HTR1F: variants seen among roughly 807,000 people sequenced by gnomAD.
HTR1F encodes the protein 5-hydroxytryptamine receptor 1F.
In HTR1F, 17 loss-of-function variants were observed where a neutral mutation model predicts 24.0. That is an observed-to-expected ratio of 0.71 (90% CI 0.48 to 1.06). The LOEUF is 1.06. Ranked by LOEUF, HTR1F falls within the 50% of genes least tolerant of loss-of-function variation. HTR1F has a pLI of 0.00. For missense variants in HTR1F, 391 were observed against 427.8 expected (o/e 0.91, Z 0.76); for synonymous variants, 186 against 156.8 (o/e 1.19, Z -1.39).
chr3:87,865,185 C>T (rs543169652), intron 2 of HTR1F, among the ~76,000 whole-genome samples: 24 of 152,174 alleles, frequency 1.6e-4, no homozygotes, highest in African/African-American at 4.8e-4. Context: ...ACGTCAAATT[C>T]CAATAGAACA....
intron 2 of HTR1F, among the ~76,000 whole-genome samples, chr3:87,893,443 C>A (rs1706127140): frequency 6.6e-6 from 1 of 152,122 alleles, no homozygotes; most frequent in African/African-American, 2.4e-5. Context: ...CCTAATACAT[C>A]CTTAGATTCC....
chr3:87,921,215 A>G (rs1704006360), intron 2 of HTR1F, among the ~76,000 whole-genome samples: 2 of 152,038 alleles, frequency 1.3e-5, no homozygotes, highest in South Asian at 4.1e-4. Flanking sequence ...TTAACAGCCT[A>G]TATCATAATT....
chr3:87,923,480 A>G (rs1310427614), intron 2 of HTR1F, among the ~76,000 whole-genome samples: 3 of 151,638 alleles, frequency 2.0e-5, no homozygotes, highest in Non-Finnish European at 4.4e-5. Flanking sequence ...ATTCATTGCT[A>G]GATATTTTTG....
chr3:87,793,988 G>A (rs1041715913), intron 1 of HTR1F, among the ~76,000 whole-genome samples: 2 of 149,930 alleles, frequency 1.3e-5, no homozygotes, highest in South Asian at 4.2e-4. Context: ...AAAAAAGAGA[G>A]AGAGAAAACA....
At chr3:87,975,355 A>G (rs924433190) in intron 2 of HTR1F, among the ~76,000 whole-genome samples, 7 of 152,132 alleles carry the variant, frequency 4.6e-5, no homozygotes, top group Admixed American at 1.3e-4. Flanking sequence ...TTCTAAAAAA[A>G]TCTTGGAGAA....
chr3:87,889,142 C>G (rs941098226), intron 2 of HTR1F, among the ~76,000 whole-genome samples: 4 of 152,082 alleles, frequency 2.6e-5, no homozygotes, highest in African/African-American at 9.7e-5. Flanking sequence ...CTCTGCACAC[C>G]CCAGCTCCCT....
chr3:87,937,649 C>T (rs549033735), intron 2 of HTR1F, among the ~76,000 whole-genome samples: 12 of 151,958 alleles, frequency 7.9e-5, no homozygotes, highest in East Asian at 1.9e-4. Flanking sequence ...TAGGGCCAGG[C>T]GCAGTGGCTC....
In HTR1F at chr3:87,991,250, C is replaced by T; in HGVS notation, c.501C>T (p.Ser167=). 6.2e-7 allele frequency: 1 copy of T among 1,614,036 alleles called. No homozygotes were observed. The highest frequency in any genetic ancestry group is 8.5e-7 in the Non-Finnish European group (1 of 1,179,960). Residue 167 remains serine, a synonymous_variant, in exon 3 of 3, where the codon AGC becomes AGT. Coordinates refer to ENST00000319595, the MANE Select transcript of HTR1F (RefSeq NM_001322209.2). Reference sequence around the variant, plus strand: ...TATTCTGGAGGCACCAAGGAACTAGCAGAGATGATGAATGCATCATCAAGC... The same window carrying T: ...TATTCTGGAGGCACCAAGGAACTAGTAGAGATGATGAATGCATCATCAAGC... ...PPLFWRHQGT[S]RDDECIIKHD...
At chr3:87,978,074 C>T (rs936591054) in intron 2 of HTR1F, among the ~76,000 whole-genome samples, 1 of 152,158 alleles carries the variant, frequency 6.6e-6, no homozygotes, top group African/African-American at 2.4e-5. Context: ...TGCAGAGGGG[C>T]GGGCAGCTCC....
chr3:87,924,381 TA>T (rs1285369912), intron 2 of HTR1F, among the ~76,000 whole-genome samples: 2 of 152,130 alleles, frequency 1.3e-5, no homozygotes, highest in African/African-American at 4.8e-5. Context: ...CTTTTTTTCT[TA>T]TTGCTTATCT....
intron 2 of HTR1F, among the ~76,000 whole-genome samples, chr3:87,876,309 G>T (rs930702129): frequency 6.6e-6 from 1 of 152,154 alleles, no homozygotes; most frequent in Admixed American, 6.5e-5. Flanking sequence ...CCACACCTAT[G>T]ATCATTGCAG....
rs1454625659 is a variant in HTR1F at position 87,835,612 on chromosome 3, A to G, written c.-43+13488A>G. On this transcript the variant is annotated intron_variant, in intron 2 of 2. Transcript: ENST00000319595. ...CAGTTAGCAATGTTCTTGGCTGATT[A>G]TTTTTCAATTTCCTGTACTTCCTTC... Among the ~76,000 whole-genome samples, 3 of 152,170 alleles carry G rather than the reference A, an allele frequency of 2.0e-5. No homozygotes were observed. In the East Asian group the frequency reaches 5.8e-4, roughly 29 times the overall value.
chr3:87,817,191 A>G (rs1192970761), intron 1 of HTR1F, among the ~76,000 whole-genome samples: 1 of 152,144 alleles, frequency 6.6e-6, no homozygotes. Flanking sequence ...AAAAGTATCA[A>G]CTTTGCTGAT....
chr3:87,825,626 T>G (rs1224880960), intron 2 of HTR1F, among the ~76,000 whole-genome samples: 3 of 152,188 alleles, frequency 2.0e-5, no homozygotes, highest in African/African-American at 7.2e-5. Flanking sequence ...GCTGTTTTCA[T>G]TAGTACCATG....
At chr3:87,819,096 TATCTC>T (rs1433528281) in intron 1 of HTR1F, among the ~76,000 whole-genome samples, 3 of 152,230 alleles carry the variant, frequency 2.0e-5, no homozygotes, top group African/African-American at 4.8e-5. Context: ...TTCAGTGACT[TATCTC>T]ATGTGCACAC....
chr3:87,864,286 A>G (rs1477055498), intron 2 of HTR1F, among the ~76,000 whole-genome samples: 1 of 152,144 alleles, frequency 6.6e-6, no homozygotes, highest in Non-Finnish European at 1.5e-5. Context: ...TAGCCAGTTT[A>G]AAGTTCAAAC....
At chr3:87,838,317 C>T (rs915248751) in intron 2 of HTR1F, among the ~76,000 whole-genome samples, 2 of 151,966 alleles carry the variant, frequency 1.3e-5, no homozygotes, top group African/African-American at 4.8e-5. Flanking sequence ...TTCTTGTTGT[C>T]CTGTATTCCA....
intron 2 of HTR1F, among the ~76,000 whole-genome samples, chr3:87,984,561 C>T (rs1705621894): frequency 6.6e-6 from 1 of 152,174 alleles, no homozygotes; most frequent in South Asian, 2.1e-4. Flanking sequence ...CTCCCAGGTA[C>T]AAGTGATTCT....
chr3:87,856,414 A>G (rs1705200687), intron 2 of HTR1F, among the ~76,000 whole-genome samples: 1 of 152,046 alleles, frequency 6.6e-6, no homozygotes, highest in Non-Finnish European at 1.5e-5. Flanking sequence ...ACTCAATTTT[A>G]CAGTGAACCC....
Sources: allele counts gnomAD v4.1 joint callset (sites outside exome capture counted in the v4.1 genomes callset), GRCh38; gene constraint gnomAD v4.1.1; transcripts MANE v1.5; gene names NCBI Gene and HGNC (gene_info 2026-07-23, HGNC 2026-07-21).